Variants in ADGRL2 observed in about 807,000 individuals in gnomAD.
ADGRL2 encodes the protein adhesion G protein-coupled receptor L2.
ADGRL2 carries 44 observed loss-of-function variants against 157.4 expected under a neutral mutation model. That is an observed-to-expected ratio of 0.28 (90% CI 0.22 to 0.36). The LOEUF is 0.36. Ranked by LOEUF, ADGRL2 falls within the 10% of genes least tolerant of loss-of-function variation. The pLI, the probability that ADGRL2 is intolerant of heterozygous loss-of-function variation, is 1.00. For synonymous variants in ADGRL2, 585 were observed against 624.7 expected, an observed-to-expected ratio of 0.94 and a Z score of 0.95; for missense variants, 1,510 against 1,768.9, an observed-to-expected ratio of 0.85 and a Z score of 2.63.
At chr1:81,563,074 A>G (rs2080479846) in intron 2 of ADGRL2, among the ~76,000 whole-genome samples, 2 of 152,164 alleles carry the variant, frequency 1.3e-5, no homozygotes, top group South Asian at 4.1e-4. Flanking sequence ...GTCAATATCT[A>G]TAAACATTTC....
At chr1:81,845,818 A>C (rs748887400) in intron 2 of ADGRL2, among the ~76,000 whole-genome samples, 1 of 151,950 alleles carries the variant, frequency 6.6e-6, no homozygotes, top group African/African-American at 2.4e-5. Context: ...AATTCGTAGT[A>C]TAACACTAAT....
chr1:81,381,739 G>A (rs1176418127), intron 1 of ADGRL2, among the ~76,000 whole-genome samples: 1 of 151,996 alleles, frequency 6.6e-6, no homozygotes, highest in Non-Finnish European at 1.5e-5. Flanking sequence ...TTATAATATT[G>A]CATCATGTTT....
At chr1:81,399,653 C>T (rs12144294) in intron 1 of ADGRL2, among the ~76,000 whole-genome samples, 5,898 of 152,188 alleles carry the variant, frequency 0.039, 140 homozygotes, top group Middle Eastern at 0.095. Flanking sequence ...TATCTATCTC[C>T]TTGCTACATT....
At chr1:81,353,125 C>A (rs1287396469) in intron 1 of ADGRL2, among the ~76,000 whole-genome samples, 1 of 152,066 alleles carries the variant, frequency 6.6e-6, no homozygotes, top group Non-Finnish European at 1.5e-5. Flanking sequence ...TTATGATTAA[C>A]CTCACTTTAT....
At position 81,604,025 on chromosome 1, in the gene ADGRL2, AT is replaced by A. The variant is rs1373518996; in HGVS notation, c.-143+23046del. On this transcript the variant is annotated intron_variant, in intron 3 of 24. Coordinates refer to the ADGRL2 transcript ENST00000370721. Reference sequence around the variant, plus strand: ...GTCCTTTAGGCTGGAATGCAGTGGCATGATCTCACCTCACTGCAACCTCTGC... The same window carrying A: ...GTCCTTTAGGCTGGAATGCAGTGGCAGATCTCACCTCACTGCAACCTCTGC... Among the ~76,000 whole-genome samples the A allele has an allele frequency of 3.4e-5, 5 of 148,544 alleles. No homozygotes were observed. The Admixed American group carries it at 3.4e-4, about 10-fold the overall frequency.
At chr1:81,655,292 G>A (rs917521061) in intron 3 of ADGRL2, among the ~76,000 whole-genome samples, 3 of 152,148 alleles carry the variant, frequency 2.0e-5, no homozygotes, top group African/African-American at 4.8e-5. Flanking sequence ...GAGCCACCGT[G>A]CCCGGCCTCA....
chr1:81,848,521 G>A (rs1347348980), intron 2 of ADGRL2, among the ~76,000 whole-genome samples: 1 of 151,806 alleles, frequency 6.6e-6, no homozygotes, highest in African/African-American at 2.4e-5. Context: ...TCAGCAGGCT[G>A]TTACTCAAGA....
At chr1:81,965,261 A>T (rs1656705645) in intron 11 of ADGRL2, among the ~76,000 whole-genome samples, 1 of 152,220 alleles carries the variant, frequency 6.6e-6, no homozygotes, top group Non-Finnish European at 1.5e-5. Context: ...TCTCTCTCGC[A>T]AATATTTAAC....
intron 21 of ADGRL2, 113 bp downstream of exon 21, chr1:81,985,468 G>A (rs55775818): frequency 0.021 from 11,456 of 537,890 alleles, 224 homozygotes; most frequent in South Asian, 0.065. Flanking sequence ...AACAGGATGC[G>A]GCTCGAAGGT....
chr1:81,590,472 C>T (rs1359307), intron 3 of ADGRL2, among the ~76,000 whole-genome samples: 54,154 of 151,800 alleles, frequency 0.36, 10,052 homozygotes, highest in Non-Finnish European at 0.4. Context: ...GACAATTAAG[C>T]GCTTCCCTGT....
chr1:81,569,179 T>G (rs2080629697), intron 2 of ADGRL2, among the ~76,000 whole-genome samples: 1 of 152,154 alleles, frequency 6.6e-6, no homozygotes, highest in Non-Finnish European at 1.5e-5. Flanking sequence ...ATTTAGCAAT[T>G]ACTAGATGGT....
chr1:81,706,666 T>G (rs1051892156), intron 1 of ADGRL2, among the ~76,000 whole-genome samples: 12 of 151,894 alleles, frequency 7.9e-5, no homozygotes, highest in African/African-American at 2.9e-4. Flanking sequence ...ACACATAGAA[T>G]GCAAAGAGGA....
chr1:81,327,466 T>A (rs1660981160), intron 1 of ADGRL2, among the ~76,000 whole-genome samples: 1 of 152,168 alleles, frequency 6.6e-6, no homozygotes, highest in South Asian at 2.1e-4. Context: ...ATTTCAGTCA[T>A]CTATCCAAAG....
intron 3 of ADGRL2, among the ~76,000 whole-genome samples, chr1:81,602,018 A>C (rs1383622658): frequency 6.6e-6 from 1 of 152,204 alleles, no homozygotes; most frequent in Non-Finnish European, 1.5e-5. Flanking sequence ...CACCATTCCG[A>C]ATTTTAATTC....
chr1:81,491,377 G>A (rs2078629708), intron 2 of ADGRL2, among the ~76,000 whole-genome samples: 1 of 152,042 alleles, frequency 6.6e-6, no homozygotes, highest in Admixed American at 6.6e-5. Context: ...ATGCTCACAT[G>A]GGTGTGTTCT....
chr1:81,452,400 G>A (rs1177832591), intron 2 of ADGRL2, among the ~76,000 whole-genome samples: 2 of 152,070 alleles, frequency 1.3e-5, no homozygotes, highest in Non-Finnish European at 2.9e-5. Context: ...AGCCTTACAC[G>A]ATTTTACTGA....
At chr1:81,501,907 T>C (rs1003391130) in intron 2 of ADGRL2, 5 of 1,613,238 alleles carry the variant, frequency 3.1e-6, no homozygotes, top group African/African-American at 1.3e-5. Context: ...AGTTCTTGTA[T>C]GCCCAAAAGC....
intron 2 of ADGRL2, among the ~76,000 whole-genome samples, chr1:81,512,965 C>T (rs1570340469): frequency 6.6e-6 from 1 of 151,876 alleles, no homozygotes; most frequent in South Asian, 2.1e-4. Context: ...AAATATCTTT[C>T]AAGCCAATGT....
At chr1:81,879,906 A>G (rs1349211137) in intron 2 of ADGRL2, among the ~76,000 whole-genome samples, 2 of 152,138 alleles carry the variant, frequency 1.3e-5, no homozygotes, top group Non-Finnish European at 2.9e-5. Context: ...ACGCACCTGT[A>G]ATCCCTGCTA....
Sources: gnomAD v4.1 joint callset for allele counts (sites outside exome capture counted in the v4.1 genomes callset) on GRCh38, gnomAD v4.1.1 for gene constraint, MANE v1.5 for transcripts, NCBI Gene and HGNC (gene_info 2026-07-23, HGNC 2026-07-21) for gene names.